Variants in PCYOX1L observed in about 807,000 individuals in gnomAD.
The protein encoded by PCYOX1L is prenylcysteine oxidase 1-like.
A neutral mutation model predicts 44.1 loss-of-function variants in PCYOX1L; 40 were observed. The ratio of observed to expected loss-of-function variants is 0.91; its 90% CI spans 0.70 to 1.18. The LOEUF (loss-of-function observed/expected upper bound fraction) is 1.18, where lower values mean the gene tolerates loss of function less well. PCYOX1L is among the 50% of genes most tolerant of loss of function. The probability of loss-of-function intolerance (pLI) is 0.00; values close to 1 mark genes in which losing one functional copy is unlikely to be tolerated. For synonymous variants in PCYOX1L, 266 were observed against 282.8 expected, an observed-to-expected ratio of 0.94 and a Z score of 0.60; for missense variants, 605 against 653.3, an observed-to-expected ratio of 0.93 and a Z score of 0.81.
In PCYOX1L at chr5:149,367,517, G is replaced by A; in HGVS notation, c.823+17G>A. The stretch of plus-strand genomic sequence containing the variant: ...ACAGCACAGGTGAGTAGACAGGGCG[G>A]GAGTGGGCAGGCATGCCATTCCCAG... On this transcript the variant is annotated intron_variant, in intron 5 of 5. Coordinates refer to ENST00000274569, the MANE Select transcript of PCYOX1L (RefSeq NM_024028.4). 2.5e-6 allele frequency: 4 copies of A among 1,610,428 alleles called. 1 individual carries two copies. The highest frequency in any genetic ancestry group is 3.4e-6 in the Non-Finnish European group (4 of 1,178,846).
intron 1 of PCYOX1L, 72 bp from the exon 2 acceptor site, chr5:149,362,565 A>C: frequency 3.9e-6 from 6 of 1,522,568 alleles, no homozygotes; most frequent in Middle Eastern, 4.3e-4. Flanking sequence ...AGGAGGATAC[A>C]AAGTGTGAAC....
intron 1 of PCYOX1L, among the ~76,000 whole-genome samples, chr5:149,360,962 T>G (rs1256786812): frequency 2.0e-5 from 3 of 152,172 alleles, no homozygotes; most frequent in Admixed American, 6.5e-5. Context: ...TACACCAGAT[T>G]TATTTAATTT....
rs775422780 is a variant in PCYOX1L, at chr5:149,368,488, A to G, written c.1319A>G (p.His440Arg). Residue 440 changes from histidine to arginine, a missense_variant, in exon 6 of 6, where the codon CAT (histidine) becomes CGT (arginine). His to Arg is a conservative substitution (Grantham distance 29). Transcript: ENST00000274569. ...CCCACGCTCCCGAGGTTTGCACTCC[A>G]TGACCAGCTCTTCTACCTCAATGCC... Reference protein sequence around the residue: ...SRPTLPRFALHDQLFYLNALE... With the variant: ...SRPTLPRFALRDQLFYLNALE... 1.9e-6 allele frequency: 3 copies of G among 1,612,858 alleles called. No homozygotes were observed. Among genetic ancestry groups the G allele is most frequent in the Non-Finnish European group, 2.5e-6 (3 of 1,179,294 alleles).
At position 149,364,137 on chromosome 5, in the gene PCYOX1L, C is replaced by T. The variant is rs1443189939; in HGVS notation, c.397C>T (p.Leu133Phe). 6.2e-7 allele frequency: 1 copy of T among 1,614,028 alleles called. No homozygotes were observed. Among genetic ancestry groups the T allele is most frequent in the Non-Finnish European group, 8.5e-7 (1 of 1,180,034 alleles). ...CTGGTACCTGCTGAACCTCTTCCGCCTCTGGTGGCACTATGGCATCAGCTT... is the reference window on the plus strand; with the variant it reads ...CTGGTACCTGCTGAACCTCTTCCGCTTCTGGTGGCACTATGGCATCAGCTT... ...TDWYLLNLFR[L>F]WWHYGISFLR... is the part of the protein sequence containing the mutation. Residue 133 changes from leucine to phenylalanine, a missense_variant, in exon 3 of 6, where the codon CTC becomes TTC. Coordinates refer to ENST00000274569, the MANE Select transcript of PCYOX1L (RefSeq NM_024028.4).
At chr5:149,364,295 A>G in intron 3 of PCYOX1L, 85 bp downstream of exon 3, 1 of 1,504,634 alleles carries the variant, frequency 6.6e-7, no homozygotes. Flanking sequence ...TACTTTGTGA[A>G]AAAGGAAAAG....
intron 3 of PCYOX1L, 121 bp downstream of exon 3, chr5:149,364,331 A>G: frequency 8.1e-7 from 1 of 1,233,444 alleles, no homozygotes; most frequent in Non-Finnish European, 1.1e-6. Context: ...AGCCAGCACA[A>G]TTCAGTGCAG....
intron 1 of PCYOX1L, among the ~76,000 whole-genome samples, chr5:149,360,467 A>G (rs1757975108): frequency 6.6e-6 from 1 of 152,196 alleles, no homozygotes; most frequent in Non-Finnish European, 1.5e-5. Flanking sequence ...GTACTGTGAG[A>G]GGAAGTGGTT....
chr5:149,364,214 G>C lies in PCYOX1L; in HGVS notation c.470+4G>C. ...AGGTCATGGAGAAGTTCATGAGGTA[G>C]GGCTGGCAGAGCTGTGGGGATGGCG... On this transcript the variant is annotated splice_donor_region_variant and intron_variant, in intron 3 of 5. Coordinates refer to ENST00000274569, the MANE Select transcript of PCYOX1L (RefSeq NM_024028.4). 1 of 1,613,902 alleles carries C rather than the reference G, an allele frequency of 6.2e-7. No homozygotes were observed. The highest frequency in any genetic ancestry group is 1.1e-5 in the South Asian group (1 of 91,082).
At chr5:149,362,160 T>C (rs769430571) in intron 1 of PCYOX1L, 8 of 169,608 alleles carry the variant, frequency 4.7e-5, no homozygotes, top group African/African-American at 7.2e-5. Flanking sequence ...TCAATAAAAC[T>C]CTAGTTTGCA....
chr5:149,367,609 T>G (rs1758258659), intron 5 of PCYOX1L, 109 bp downstream of exon 5: 1 of 1,459,104 alleles, frequency 6.9e-7, no homozygotes, highest in African/African-American at 1.4e-5. Flanking sequence ...TGGGGAGTAT[T>G]TCCGAAAAAG....
At chr5:149,362,616 A>T (rs369725095) in intron 1 of PCYOX1L, 21 bp from the exon 2 acceptor site, 1 of 1,612,894 alleles carries the variant, frequency 6.2e-7, no homozygotes, top group Non-Finnish European at 8.5e-7. Context: ...CTTCTTCCCT[A>T]CCTCCCGGGC....
In PCYOX1L at chr5:149,368,270, C is replaced by T; in HGVS notation, c.1101C>T (p.Phe367=). 1.9e-6 allele frequency: 3 copies of T among 1,614,222 alleles called. No individual in the cohort carries two copies. The highest frequency in any genetic ancestry group is 2.5e-6 in the Non-Finnish European group (3 of 1,180,042). Residue 367 remains phenylalanine, a synonymous_variant, in exon 6 of 6, where the codon TTC becomes TTT. Transcript: ENST00000274569. ...TCCTTACCACAGATTTCCCCAGCTT[C>T]TTCTGCACTCTGGACAACATCTGCC... is the stretch of plus-strand genomic sequence containing the variant. ...ANILTTDFPS[F]FCTLDNICPV...
chr5:149,367,879 C>T (rs1758271780), intron 5 of PCYOX1L, 114 bp from the exon 6 acceptor site: 2 of 1,160,968 alleles, frequency 1.7e-6, no homozygotes. Flanking sequence ...ATTTAGACAG[C>T]CCTGCTGCAC....
intron 4 of PCYOX1L, among the ~76,000 whole-genome samples, chr5:149,366,373 G>A (rs921008914): frequency 2.0e-5 from 3 of 152,236 alleles, no homozygotes; most frequent in Admixed American, 2.0e-4. Context: ...CAGATCACAG[G>A]TCCAGTGTGT....
At chr5:149,360,537 C>T (rs1424402294) in intron 1 of PCYOX1L, among the ~76,000 whole-genome samples, 2 of 152,154 alleles carry the variant, frequency 1.3e-5, no homozygotes, top group African/African-American at 2.4e-5. Context: ...GATCTGGGGA[C>T]ATAGTGATCA....
chr5:149,366,809 G>A (rs1004041642), intron 4 of PCYOX1L, among the ~76,000 whole-genome samples: 2 of 152,186 alleles, frequency 1.3e-5, no homozygotes, highest in African/African-American at 4.8e-5. Flanking sequence ...CCCTGCCTCA[G>A]TGTCCCCTCA....
At chr5:149,359,396 C>G (rs1161973337) in intron 1 of PCYOX1L, among the ~76,000 whole-genome samples, 1 of 152,202 alleles carries the variant, frequency 6.6e-6, no homozygotes, top group African/African-American at 2.4e-5. Context: ...AAAAGAGAAT[C>G]CTGAGGCTAG....
chr5:149,359,322 A>G (rs1192574430), intron 1 of PCYOX1L, among the ~76,000 whole-genome samples: 1 of 152,204 alleles, frequency 6.6e-6, no homozygotes, highest in East Asian at 1.9e-4. Flanking sequence ...CAGGCCATAC[A>G]GGGTTAAGAA....
intron 2 of PCYOX1L, 81 bp from the exon 3 acceptor site, chr5:149,363,955 C>G: frequency 1.3e-6 from 2 of 1,498,250 alleles, no homozygotes; most frequent in Non-Finnish European, 1.8e-6. Context: ...ATTTGTGTTT[C>G]CTTTAATGGA....
Sources: gnomAD v4.1 joint callset for allele counts (sites outside exome capture counted in the v4.1 genomes callset) on GRCh38, gnomAD v4.1.1 for gene constraint, MANE v1.5 for transcripts, NCBI Gene and HGNC (gene_info 2026-07-23, HGNC 2026-07-21) for gene names.